The following MAG variants were observed in gnomAD, a reference collection of about 807,000 sequenced individuals.
The protein encoded by MAG is myelin associated glycoprotein, also known as myelin-associated glycoprotein.
A neutral mutation model predicts 60.7 loss-of-function variants in MAG; 30 were observed. The ratio of observed to expected loss-of-function variants is 0.49; its 90% CI spans 0.37 to 0.67. The LOEUF is 0.67. Ranked by LOEUF, MAG falls within the 30% of genes least tolerant of loss-of-function variation. The probability of loss-of-function intolerance (pLI) is 0.00; values close to 1 mark genes in which losing one functional copy is unlikely to be tolerated. For synonymous variants in MAG, 384 were observed against 376.8 expected (o/e 1.02, Z -0.22); for missense variants, 795 against 851.7 (o/e 0.93, Z 0.83).
chr19:35,304,020 G>C (rs1267904925), intron 7 of MAG, among the ~76,000 whole-genome samples: 2 of 152,146 alleles, frequency 1.3e-5, no homozygotes, highest in African/African-American at 2.4e-5. Context: ...CAGAAGGTTC[G>C]ATGACATTCA....
chr19:35,306,036 T>G (rs12980281), intron 7 of MAG, among the ~76,000 whole-genome samples: 19 of 15,974 alleles, frequency 1.2e-3, no homozygotes, highest in East Asian at 0.01. Flanking sequence ...GACTGTCCCA[T>G]CCCCCCACTC....
chr19:35,294,504 C>T (rs2066381431), intron 2 of MAG, among the ~76,000 whole-genome samples: 1 of 152,230 alleles, frequency 6.6e-6, no homozygotes, highest in Non-Finnish European at 1.5e-5. Flanking sequence ...CTCTCTGGAC[C>T]TCAGCTATAA....
intron 2 of MAG, among the ~76,000 whole-genome samples, chr19:35,294,588 A>G (rs1165869030): frequency 6.6e-6 from 1 of 152,234 alleles, no homozygotes; most frequent in Non-Finnish European, 1.5e-5. Flanking sequence ...GGGCTGGCAC[A>G]TGGCCAATGC....
rs1169129821 is a variant in MAG, at chr19:35,300,489, C to T, written c.970+85C>T. The T allele has an allele frequency of 3.4e-6, 5 of 1,470,678 alleles. No individual in the cohort carries two copies. In the East Asian group the frequency reaches 1.2e-4, roughly 35 times the overall value. 91.1% of individuals were successfully genotyped at this position (1,470,678 alleles called of 1,614,324 possible). A position where few individuals can be genotyped will look rare whatever the true frequency, so the allele number is the denominator to read the frequency against. ...GGGCCTCATCCAGGGCGAGCATGGG[C>T]TGGGTCCCGAGGGGACCGGCCATAA... is the stretch of plus-strand genomic sequence containing the variant. On this transcript the variant is annotated intron_variant, in intron 6 of 10. Coordinates refer to ENST00000392213, the MANE Select transcript of MAG (RefSeq NM_002361.4).
chr19:35,301,888 A>G (rs996894123), intron 6 of MAG, among the ~76,000 whole-genome samples: 2 of 141,398 alleles, frequency 1.4e-5, no homozygotes, highest in Non-Finnish European at 3.0e-5. Flanking sequence ...TTGACATGCA[A>G]TCTTCCCCCC....
chr19:35,297,387 T>C (rs1236138759), intron 4 of MAG, among the ~76,000 whole-genome samples: 92 of 84,002 alleles, frequency 1.1e-3, no homozygotes, highest in African/African-American at 3.6e-3. Flanking sequence ...ACACACACAC[T>C]ACACACACAC....
At chr19:35,300,105 C>T in intron 5 of MAG, 42 bp from the exon 6 acceptor site, 1 of 1,499,238 alleles carries the variant, frequency 6.7e-7, no homozygotes, top group Non-Finnish European at 8.9e-7. Flanking sequence ...GGGCCGGTTC[C>T]CCAGCACCTG....
chr19:35,305,155 C>A lies in MAG; in HGVS notation c.1231+2447C>A, dbSNP rs1028334820. Among the ~76,000 whole-genome samples the A allele has an allele frequency of 3.9e-5, 6 of 152,294 alleles. No homozygotes were observed. In the East Asian group the frequency reaches 7.7e-4, roughly 20 times the overall value. ...GCAGTGGCCCTGTCCCCTGCCCCAC[C>A]TGCCAGCTCCCTACTCTTCACCCAG... On this transcript the variant is annotated intron_variant, in intron 7 of 10. Transcript: ENST00000392213.
chr19:35,312,447 C>T (rs1048879110), intron 10 of MAG: 13 of 803,824 alleles, frequency 1.6e-5, no homozygotes, highest in Admixed American at 6.0e-5. Context: ...CGGGCCTGCC[C>T]GGCAGTGCTG....
intron 7 of MAG, among the ~76,000 whole-genome samples, chr19:35,304,911 G>T (rs1159554268): frequency 6.6e-6 from 1 of 152,134 alleles, no homozygotes; most frequent in African/African-American, 2.4e-5. Context: ...CCTTTACCAA[G>T]GAGAAAACTC....
intron 6 of MAG, 93 bp downstream of exon 6, chr19:35,300,497 C>G: frequency 6.9e-7 from 1 of 1,446,406 alleles, no homozygotes; most frequent in Non-Finnish European, 9.1e-7. Flanking sequence ...GGCTGGGTCC[C>G]GAGGGGACCG....
chr19:35,305,105 G>A (rs1568474330), intron 7 of MAG, among the ~76,000 whole-genome samples: 1 of 152,120 alleles, frequency 6.6e-6, no homozygotes, highest in Non-Finnish European at 1.5e-5. Flanking sequence ...GAGTGTGCAG[G>A]CCTCACCTGC....
intron 4 of MAG, 118 bp downstream of exon 4, chr19:35,296,099 G>A (rs1164513468): frequency 2.2e-5 from 31 of 1,393,400 alleles, no homozygotes; most frequent in Non-Finnish European, 2.8e-5. Context: ...TCTGGGAGGT[G>A]CTGATTTGGC....
chr19:35,309,211 GCACCCCAAAC>G (rs990757085), intron 7 of MAG, among the ~76,000 whole-genome samples: 1 of 152,092 alleles, frequency 6.6e-6, no homozygotes, highest in Non-Finnish European at 1.5e-5. Context: ...CCCCAAGAGA[GCACCCCAAAC>G]CACCCCGAAA....
intron 7 of MAG, among the ~76,000 whole-genome samples, chr19:35,308,170 G>C (rs545558131): frequency 1.4e-4 from 22 of 152,198 alleles, no homozygotes; most frequent in Non-Finnish European, 2.9e-4. Context: ...TGAATGATAC[G>C]TGGAGCGAGG....
Position 35,299,689 on chromosome 19 carries a change from C to G in MAG, c.551C>G (p.Ala184Gly). 6.3e-7 allele frequency: 1 copy of G among 1,596,400 alleles called. No individual in the cohort carries two copies. Among genetic ancestry groups the G allele is most frequent in the Non-Finnish European group, 8.5e-7 (1 of 1,172,376 alleles). ...GGCCACGAGGGGCTGGGGGAGCCCG[C>G]TGTGCTGGGCCGGCTGCGGGAGGAC... ...WLGHEGLGEP[A>G]VLGRLREDEG... Residue 184 changes from alanine (A) to glycine (G), a missense_variant, in exon 5 of 11, where the codon GCT becomes GGT. Ala to Gly is a moderately conservative substitution (Grantham distance 60). Coordinates refer to ENST00000392213, the MANE Select transcript of MAG (RefSeq NM_002361.4).
chr19:35,299,785 G>A lies in MAG; in HGVS notation c.647G>A (p.Gly216Asp). The change falls in exon 5 of 11, where the codon GGC becomes GAC. Residue 216 changes from glycine (G) to aspartate (D), a missense_variant. Coordinates refer to ENST00000392213, the MANE Select transcript of MAG (RefSeq NM_002361.4). ...PTREANGHRLGCQASFPNTTL... is the reference protein window; with the variant it reads ...PTREANGHRLDCQASFPNTTL... ...AGGGAGGCCAACGGCCACAGGCTGG[G>A]CTGCCAGGCCTCCTTCCCCAACACC... is the stretch of plus-strand genomic sequence containing the variant. 6.5e-7 allele frequency: 1 copy of A among 1,544,644 alleles called. No homozygotes were observed.
At chr19:35,302,403 A>C (rs755668030) in intron 6 of MAG, 45 bp from the exon 7 acceptor site, 5 of 1,602,898 alleles carry the variant, frequency 3.1e-6, no homozygotes, top group East Asian at 2.2e-5. Flanking sequence ...CTGGCAGAAG[A>C]AGCACCTCCT....
At chr19:35,302,306 G>C in intron 6 of MAG, 142 bp from the exon 7 acceptor site, 1 of 883,204 alleles carries the variant, frequency 1.1e-6, no homozygotes, top group South Asian at 1.7e-5. Context: ...AAATGAGATA[G>C]CCAGGACTGG....
Sources: allele counts gnomAD v4.1 joint callset (sites outside exome capture counted in the v4.1 genomes callset), GRCh38; gene constraint gnomAD v4.1.1; transcripts MANE v1.5; gene names NCBI Gene and HGNC (gene_info 2026-07-23, HGNC 2026-07-21).